LUZP2: variants seen among roughly 807,000 people sequenced by gnomAD.
The protein encoded by LUZP2 is leucine zipper protein 2.
A neutral mutation model predicts 51.6 loss-of-function variants in LUZP2; 52 were observed. The observed-to-expected ratio is 1.01, with a 90% CI of 0.81 to 1.27. The LOEUF (loss-of-function observed/expected upper bound fraction) is 1.27, where lower values mean the gene tolerates loss of function less well. Ranked by LOEUF, LUZP2 falls within the 50% of genes most tolerant of loss-of-function variation. LUZP2 has a pLI of 0.00. For synonymous variants in LUZP2, 154 were observed against 137.3 expected (o/e 1.12, Z -0.85); for missense variants, 436 against 395.4 (o/e 1.10, Z -0.87).
intron 5 of LUZP2, among the ~76,000 whole-genome samples, chr11:24,768,860 T>C (rs887466036): frequency 6.6e-6 from 1 of 152,128 alleles, no homozygotes. Flanking sequence ...AAACTAAAAA[T>C]AGAACTACCA....
chr11:24,706,646 G>A (rs1857593850), intron 1 of LUZP2, among the ~76,000 whole-genome samples: 1 of 152,116 alleles, frequency 6.6e-6, no homozygotes, highest in Admixed American at 6.6e-5. Flanking sequence ...GGTGGGACGC[G>A]AAGGTGCAAA....
chr11:24,565,135 G>A (rs1387174718), intron 1 of LUZP2, among the ~76,000 whole-genome samples: 1 of 152,130 alleles, frequency 6.6e-6, no homozygotes, highest in African/African-American at 2.4e-5. Context: ...AAAAAATTGG[G>A]ATTGTCACTG....
intron 9 of LUZP2, among the ~76,000 whole-genome samples, chr11:25,000,040 A>G (rs12808994): frequency 1.5e-5 from 1 of 67,744 alleles, no homozygotes; most frequent in Non-Finnish European, 4.6e-5. Flanking sequence ...TTTACAGAGC[A>G]CTGATTGATC....
intron 5 of LUZP2, among the ~76,000 whole-genome samples, chr11:24,809,968 C>T (rs1034461349): frequency 6.6e-6 from 1 of 152,068 alleles, no homozygotes; most frequent in African/African-American, 2.4e-5. Context: ...CATAATGCTG[C>T]AAAAGCATAG....
chr11:24,808,724 T>C (rs895627167), intron 5 of LUZP2, among the ~76,000 whole-genome samples: 1 of 152,186 alleles, frequency 6.6e-6, no homozygotes, highest in Non-Finnish European at 1.5e-5. Context: ...TAGTTAAATA[T>C]CTATAGTCCT....
chr11:25,017,705 C>T (rs1160047053), intron 9 of LUZP2, among the ~76,000 whole-genome samples: 1 of 151,670 alleles, frequency 6.6e-6, no homozygotes, highest in Non-Finnish European at 1.5e-5. Flanking sequence ...TCCAAGTTTG[C>T]TTATTGTTGT....
chr11:24,692,626 T>G (rs914084103), intron 1 of LUZP2, among the ~76,000 whole-genome samples: 32 of 152,182 alleles, frequency 2.1e-4, no homozygotes, highest in African/African-American at 7.7e-4. Flanking sequence ...TTCAGCCCAG[T>G]TTCTTCATCA....
At chr11:24,539,132 G>T (rs1233343387) in intron 1 of LUZP2, among the ~76,000 whole-genome samples, 1 of 151,710 alleles carries the variant, frequency 6.6e-6, no homozygotes, top group Non-Finnish European at 1.5e-5. Context: ...TTTAAAATTT[G>T]CACATATCTG....
intron 8 of LUZP2, among the ~76,000 whole-genome samples, chr11:24,979,632 T>G (rs1036088369): frequency 6.6e-6 from 1 of 151,894 alleles, no homozygotes; most frequent in Non-Finnish European, 1.5e-5. Context: ...TATCAAGAGC[T>G]AAGAATCAGC....
chr11:24,703,981 T>C (rs1291614330), intron 1 of LUZP2, among the ~76,000 whole-genome samples: 2 of 152,336 alleles, frequency 1.3e-5, no homozygotes, highest in Admixed American at 6.5e-5. Flanking sequence ...ATTTGAATTA[T>C]AGAAAAAAGA....
At chr11:24,810,574 C>T (rs528371633) in intron 5 of LUZP2, among the ~76,000 whole-genome samples, 15 of 152,206 alleles carry the variant, frequency 9.9e-5, no homozygotes, top group Admixed American at 3.9e-4. Context: ...AGTTAATGTA[C>T]GTGCTCTTAT....
chr11:24,933,274 C>A (rs1854505259), intron 7 of LUZP2, among the ~76,000 whole-genome samples: 1 of 152,110 alleles, frequency 6.6e-6, no homozygotes, highest in Admixed American at 6.5e-5. Context: ...AGGAAATTTT[C>A]ATGATGTGAG....
intron 4 of LUZP2, among the ~76,000 whole-genome samples, chr11:24,741,901 A>T (rs1369559301): frequency 7.3e-6 from 1 of 136,846 alleles, no homozygotes; most frequent in African/African-American, 2.7e-5. Flanking sequence ...ATACATATAT[A>T]TTTCTATATA....
chr11:25,056,154 A>G (rs1158354163), intron 10 of LUZP2, among the ~76,000 whole-genome samples: 1 of 152,216 alleles, frequency 6.6e-6, no homozygotes, highest in Non-Finnish European at 1.5e-5. Context: ...GTGCTACTTT[A>G]CACAGCAGAA....
At chr11:24,613,490 CT>C (rs895877527) in intron 1 of LUZP2, among the ~76,000 whole-genome samples, 78 of 151,792 alleles carry the variant, frequency 5.1e-4, no homozygotes, top group African/African-American at 1.9e-3. Context: ...CTACATTTAA[CT>C]TTTTTTTAAT....
At chr11:25,046,040 A>G (rs1368463692) in intron 9 of LUZP2, among the ~76,000 whole-genome samples, 2 of 152,160 alleles carry the variant, frequency 1.3e-5, no homozygotes, top group African/African-American at 4.8e-5. Flanking sequence ...AACTCGTACA[A>G]GACACACTGC....
intron 5 of LUZP2, among the ~76,000 whole-genome samples, chr11:24,818,099 C>T (rs999681039): frequency 6.6e-6 from 1 of 151,868 alleles, no homozygotes; most frequent in African/African-American, 2.4e-5. Flanking sequence ...TTTTTAAAAA[C>T]AACTTTGGTG....
chr11:24,660,624 A>G (rs528780345), intron 1 of LUZP2, among the ~76,000 whole-genome samples: 2 of 152,282 alleles, frequency 1.3e-5, no homozygotes, highest in African/African-American at 4.8e-5. Flanking sequence ...CTTCCTGAGT[A>G]AAAATGTGCA....
rs376206710 is a variant in LUZP2, at chr11:24,906,020, A to G, written c.426A>G (p.Ser142=). The change falls in exon 6 of 12, where the codon TCA becomes TCG. Residue 142 remains serine, a synonymous_variant. Transcript: ENST00000336930. ...ENKSLKNKLL[S]GNKLCGIHAE... ...AAAGCTTGAAAAACAAACTCTTGTCAGGAAACAAGCTCTGTGGCATTCACG... is the reference window on the plus strand; with the variant it reads ...AAAGCTTGAAAAACAAACTCTTGTCGGGAAACAAGCTCTGTGGCATTCACG... 1.9e-6 allele frequency: 3 copies of G among 1,613,176 alleles called. No individual in the cohort carries two copies. The highest frequency in any genetic ancestry group is 2.2e-5 in the South Asian group (2 of 91,030).
Sources: allele counts gnomAD v4.1 joint callset (sites outside exome capture counted in the v4.1 genomes callset), GRCh38; gene constraint gnomAD v4.1.1; transcripts MANE v1.5; gene names NCBI Gene and HGNC (gene_info 2026-07-23, HGNC 2026-07-21).